Variants in CTIF observed in about 807,000 individuals in gnomAD.
CTIF encodes the protein cap binding complex dependent translation initiation factor.
CTIF carries 21 observed loss-of-function variants against 66.0 expected under a neutral mutation model. That is an observed-to-expected ratio of 0.32 (90% CI 0.23 to 0.46). The LOEUF is 0.46. Among genes scored for constraint, CTIF ranks in the 20% least tolerant of loss-of-function variants. CTIF has a pLI of 1.00. For synonymous variants in CTIF, 345 were observed against 326.4 expected, an observed-to-expected ratio of 1.06 and a Z score of -0.62; for missense variants, 739 against 812.7, an observed-to-expected ratio of 0.91 and a Z score of 1.10.
At position 48,722,315 on chromosome 18, in the gene CTIF, A is replaced by T. The variant is rs142130231; in HGVS notation, c.584+10620A>T. 2.3e-3 allele frequency among the ~76,000 whole-genome samples: 341 copies of T among 150,340 alleles called. 3 individuals carry two copies. The highest frequency in any genetic ancestry group is 8.1e-3 in the African/African-American group (331 of 40,780). On this transcript the variant is annotated intron_variant, in intron 7 of 11. Transcript: ENST00000256413. ...ACGACAGCCTCGACCTGCTGGGCTC[A>T]AGTGATCCTCCCACCTCAGCCTCCC... is the stretch of plus-strand genomic sequence containing the variant.
At chr18:48,788,204 G>A (rs867882643) in intron 9 of CTIF, among the ~76,000 whole-genome samples, 1 of 152,200 alleles carries the variant, frequency 6.6e-6, no homozygotes, top group Non-Finnish European at 1.5e-5. Context: ...CAGAAGAGGG[G>A]TAGGAAAGAA....
At chr18:48,614,799 CTGA>C (rs1431162716) in intron 1 of CTIF, among the ~76,000 whole-genome samples, 1 of 152,168 alleles carries the variant, frequency 6.6e-6, no homozygotes, top group East Asian at 1.9e-4. Flanking sequence ...CTTAAAGCCA[CTGA>C]ATTATGTGTT....
chr18:48,701,987 G>T (rs2092090875), intron 6 of CTIF, among the ~76,000 whole-genome samples: 1 of 152,276 alleles, frequency 6.6e-6, no homozygotes, highest in South Asian at 2.1e-4. Flanking sequence ...GAATTTGTTG[G>T]CTCATGAAAT....
At chr18:48,768,028 C>T (rs375583695) in intron 9 of CTIF, among the ~76,000 whole-genome samples, 3 of 152,082 alleles carry the variant, frequency 2.0e-5, no homozygotes, top group Non-Finnish European at 2.9e-5. Flanking sequence ...CACTTCTACC[C>T]GTTTCTCCCA....
At chr18:48,718,204 C>G (rs1417979336) in intron 7 of CTIF, among the ~76,000 whole-genome samples, 1 of 152,206 alleles carries the variant, frequency 6.6e-6, no homozygotes, top group Non-Finnish European at 1.5e-5. Flanking sequence ...TTGGCAATCT[C>G]TTTTGGAGAA....
chr18:48,824,019 G>C (rs1437113043), intron 10 of CTIF, among the ~76,000 whole-genome samples: 1 of 112,142 alleles, frequency 8.9e-6, no homozygotes, highest in Non-Finnish European at 2.1e-5. Context: ...CACACAAACT[G>C]CTAGAACTAA....
At chr18:48,820,787 A>G (rs537277915) in intron 10 of CTIF, among the ~76,000 whole-genome samples, 1 of 152,174 alleles carries the variant, frequency 6.6e-6, no homozygotes, top group African/African-American at 2.4e-5. Context: ...ACCCAAACCC[A>G]CAGGCCATCT....
At chr18:48,636,775 T>C (rs1598779653) in intron 3 of CTIF, 90 bp downstream of exon 3, 1 of 970,242 alleles carries the variant, frequency 1.0e-6, no homozygotes, top group Admixed American at 3.4e-5. Flanking sequence ...TCCTGAGGAG[T>C]GGTGACATGG....
intron 1 of CTIF, among the ~76,000 whole-genome samples, chr18:48,588,477 G>C (rs1022943295): frequency 1.3e-5 from 2 of 152,176 alleles, no homozygotes; most frequent in Non-Finnish European, 2.9e-5. Context: ...AGATGTCTCA[G>C]ACCATGTGGT....
At chr18:48,813,586 G>A (rs2068304658) in intron 9 of CTIF, among the ~76,000 whole-genome samples, 1 of 152,244 alleles carries the variant, frequency 6.6e-6, no homozygotes, top group South Asian at 2.1e-4. Flanking sequence ...AAGCTGGAGG[G>A]TGGCTTCATG....
At chr18:48,590,855 C>T (rs1454870511) in intron 1 of CTIF, among the ~76,000 whole-genome samples, 1 of 151,532 alleles carries the variant, frequency 6.6e-6, no homozygotes, top group Non-Finnish European at 1.5e-5. Context: ...TTATGTTAGT[C>T]ATTTACCCCA....
intron 7 of CTIF, among the ~76,000 whole-genome samples, chr18:48,751,020 CCT>C (rs1442953023): frequency 6.6e-6 from 1 of 152,174 alleles, no homozygotes; most frequent in Non-Finnish European, 1.5e-5. Flanking sequence ...GCCTTGAAGA[CCT>C]CTCTGGAAAA....
At chr18:48,773,287 A>G (rs914989870) in intron 9 of CTIF, among the ~76,000 whole-genome samples, 1 of 152,234 alleles carries the variant, frequency 6.6e-6, no homozygotes, top group African/African-American at 2.4e-5. Flanking sequence ...GGACTTAAAG[A>G]TGTTTTACAT....
chr18:48,788,186 C>T (rs1226318487), intron 9 of CTIF, among the ~76,000 whole-genome samples: 1 of 152,172 alleles, frequency 6.6e-6, no homozygotes, highest in Non-Finnish European at 1.5e-5. Context: ...GGGTTTTTGT[C>T]TCTTTCCCAG....
chr18:48,712,621 A>G (rs983721236), intron 7 of CTIF, among the ~76,000 whole-genome samples: 1 of 152,254 alleles, frequency 6.6e-6, no homozygotes, highest in Non-Finnish European at 1.5e-5. Flanking sequence ...TTAGATAAAG[A>G]TGACGGCTTT....
chr18:48,605,837 G>A (rs541208441), intron 1 of CTIF, among the ~76,000 whole-genome samples: 6 of 152,278 alleles, frequency 3.9e-5, no homozygotes, highest in Admixed American at 1.3e-4. Context: ...ATACAATGAT[G>A]GGAAAAACGA....
At chr18:48,810,258 T>C (rs1406188594) in intron 9 of CTIF, among the ~76,000 whole-genome samples, 3 of 152,142 alleles carry the variant, frequency 2.0e-5, no homozygotes, top group African/African-American at 7.2e-5. Flanking sequence ...ATGTGGATAG[T>C]GGCTACCATA....
At chr18:48,827,999 C>G (rs1157309407) in intron 10 of CTIF, among the ~76,000 whole-genome samples, 1 of 150,416 alleles carries the variant, frequency 6.6e-6, no homozygotes, top group Non-Finnish European at 1.5e-5. Flanking sequence ...CTCCCACCCA[C>G]CCCACCTCCA....
chr18:48,768,628 G>A (rs1909807271), intron 9 of CTIF, among the ~76,000 whole-genome samples: 1 of 152,206 alleles, frequency 6.6e-6, no homozygotes, highest in African/African-American at 2.4e-5. Flanking sequence ...TCCATATCAT[G>A]GTTGGGAGCA....
Sources: allele counts gnomAD v4.1 joint callset (sites outside exome capture counted in the v4.1 genomes callset), GRCh38; gene constraint gnomAD v4.1.1; transcripts MANE v1.5; gene names NCBI Gene and HGNC (gene_info 2026-07-23, HGNC 2026-07-21).